The following MUC13 variants were observed in gnomAD, a reference collection of about 807,000 sequenced individuals.
MUC13 encodes mucin-13.
Under a neutral mutation model 48.3 loss-of-function variants are expected in MUC13, and 32 were observed. That is an observed-to-expected ratio of 0.66 (90% CI 0.50 to 0.89). The LOEUF is 0.89. MUC13 is among the 40% of genes least tolerant of loss of function. The pLI is 0.00. For synonymous variants in MUC13, 199 were observed against 224.9 expected (o/e 0.88, Z 1.03); for missense variants, 571 against 622.8 (o/e 0.92, Z 0.88).
chr3:124,916,568 C>A, intron 5 of MUC13, 88 bp from the exon 6 acceptor site: 1 of 1,395,876 alleles, frequency 7.2e-7, no homozygotes. Flanking sequence ...AATCTCCCGG[C>A]CCTAGTCCTG....
rs1402218297 is a variant in MUC13 at position 124,913,137 on chromosome 3, C to T, written c.1188G>A (p.Gln396=). The T allele has an allele frequency of 2.5e-6, 4 of 1,614,006 alleles. No individual in the cohort carries two copies. Among genetic ancestry groups the T allele is most frequent in the Non-Finnish European group, 1.7e-6 (2 of 1,179,976 alleles). The change falls in exon 8 of 12, where the codon CAG becomes CAA. Residue 396 remains glutamine (Q), a synonymous_variant. Coordinates refer to ENST00000616727, the MANE Select transcript of MUC13 (RefSeq NM_033049.4). The part of the protein sequence containing the change: ...APECACVPGY[Q]EDANGNCQKC... Reference sequence around the variant, plus strand: ...TTTGGCAGTTCCCATTAGCATCTTCCTGGTAGCCGGGCACGCACGCACACT... The same window carrying T: ...TTTGGCAGTTCCCATTAGCATCTTCTTGGTAGCCGGGCACGCACGCACACT...
At position 124,919,312 on chromosome 3, in the gene MUC13, G is replaced by T. The variant is rs188275639; in HGVS notation, c.800+922C>A. Among the ~76,000 whole-genome samples the T allele has an allele frequency of 2.3e-3, 332 of 143,926 alleles. 1 individual carries two copies. The highest frequency in any genetic ancestry group is 3.4e-3 in the Non-Finnish European group (225 of 66,804). 94.4% of individuals were successfully genotyped at this position (143,926 alleles called of 152,430 possible). ...ATATCACACCAATGCACTCCAGCCT[G>T]CATGACAGGAGTGAGATTCCATCTC... is the stretch of plus-strand genomic sequence containing the variant. On this transcript the variant is annotated intron_variant, in intron 5 of 11. Transcript: ENST00000616727.
chr3:124,930,997 G>A (rs150967819), intron 1 of MUC13, among the ~76,000 whole-genome samples: 1 of 152,322 alleles, frequency 6.6e-6, no homozygotes, highest in East Asian at 1.9e-4. Flanking sequence ...ACAAGGCATA[G>A]GGGTGAGGAG....
In MUC13 at chr3:124,908,272, T is replaced by C; in HGVS notation, c.1414A>G (p.Thr472Ala). The C allele has an allele frequency of 6.2e-7, 1 of 1,614,246 alleles. No homozygotes were observed. Among genetic ancestry groups the C allele is most frequent in the Non-Finnish European group, 8.5e-7 (1 of 1,180,040 alleles). The change falls in exon 11 of 12, where the codon ACA becomes GCA. Residue 472 changes from threonine (T) to alanine (A), a missense_variant. Coordinates refer to ENST00000616727, the MANE Select transcript of MUC13 (RefSeq NM_033049.4). Reference protein sequence around the residue: ...EDFQNLKLRSTGFTNLGAEGS... With the variant: ...EDFQNLKLRSAGFTNLGAEGS... ...TCTGCTCCAAGATTGGTGAAGCCTGTCGACCGCAGTTTTAGATTTTGAAAG... is the reference window on the plus strand; with the variant it reads ...TCTGCTCCAAGATTGGTGAAGCCTGCCGACCGCAGTTTTAGATTTTGAAAG...
intron 9 of MUC13, 108 bp from the exon 10 acceptor site, chr3:124,910,607 T>C: frequency 6.6e-7 from 1 of 1,505,184 alleles, no homozygotes; most frequent in Non-Finnish European, 8.9e-7. Context: ...GACGATCAGG[T>C]TCTGGTCTCC....
At position 124,905,581 on chromosome 3, in the gene MUC13, T is replaced by G. The variant is rs374743429; in HGVS notation, c.*1162A>C. The G allele has an allele frequency of 6.5e-6, 1 of 153,210 alleles. No homozygotes were observed. Among genetic ancestry groups the G allele is most frequent in the Admixed American group, 6.5e-5 (1 of 15,282 alleles). The allele number at this position is 153,210 out of a possible 1,614,324, so 9.5% of individuals were successfully genotyped here. ...GACACTAATAACATTTGTAAAAGCT[T>G]GTACTGGATGTGGTTGCCCCCATTT... On this transcript the variant is annotated 3_prime_UTR_variant, in exon 12 of 12. Coordinates refer to ENST00000616727, the MANE Select transcript of MUC13 (RefSeq NM_033049.4).
At chr3:124,912,802 G>T (rs1039180784) in intron 8 of MUC13, among the ~76,000 whole-genome samples, 1 of 152,050 alleles carries the variant, frequency 6.6e-6, no homozygotes, top group African/African-American at 2.4e-5. Flanking sequence ...TGGACAGGGT[G>T]GCAGGCACCT....
Position 124,908,401 on chromosome 3 carries a change from G to A in MUC13, c.1338-53C>T. On this transcript the variant is annotated intron_variant, in intron 10 of 11. Transcript: ENST00000616727. Reference sequence around the variant, plus strand: ...TGACAATGGCAGAAAGTTTCTTGAAGTAAATGTTAATGTTCTTTTTAAAAA... The same window carrying A: ...TGACAATGGCAGAAAGTTTCTTGAAATAAATGTTAATGTTCTTTTTAAAAA... The A allele has an allele frequency of 2.2e-6, 3 of 1,363,882 alleles. 1 individual carries two copies. In the South Asian group the frequency reaches 3.7e-5, roughly 17 times the overall value. 84.5% of individuals were successfully genotyped at this position (1,363,882 alleles called of 1,614,324 possible). A position where few individuals can be genotyped will look rare whatever the true frequency, so the allele number is the denominator to read the frequency against.
intron 1 of MUC13, among the ~76,000 whole-genome samples, chr3:124,931,431 A>C (rs1935794677): frequency 8.5e-6 from 1 of 117,228 alleles, no homozygotes; most frequent in East Asian, 2.3e-4. Context: ...ACTCTGTCTC[A>C]AAAAAAAAAA....
Position 124,927,622 on chromosome 3 carries a change from T to C in MUC13, c.424A>G (p.Asn142Asp). Residue 142 changes from asparagine (N) to aspartate (D), a missense_variant, in exon 2 of 12, where the codon AAT (asparagine) becomes GAT (aspartate). Transcript: ENST00000616727. ...TMVPSETQSN[N>D]EMSPTTEDNQ... The stretch of plus-strand genomic sequence containing the variant: ...TCTTCTGTGGTGGGGGACATTTCAT[T>C]GTTACTTTGTGTTTCAGAAGGAACC... 4 of 1,614,214 alleles carry C rather than the reference T, an allele frequency of 2.5e-6. No homozygotes were observed. The South Asian group carries it at 4.4e-5, about 18-fold the overall frequency.
chr3:124,922,177 G>A lies in MUC13; in HGVS notation c.744+20C>T, dbSNP rs768701742. 6.2e-7 allele frequency: 1 copy of A among 1,613,358 alleles called. No homozygotes were observed. Among genetic ancestry groups the A allele is most frequent in the Non-Finnish European group, 8.5e-7 (1 of 1,179,690 alleles). On this transcript the variant is annotated intron_variant, in intron 4 of 11. Coordinates refer to ENST00000616727, the MANE Select transcript of MUC13 (RefSeq NM_033049.4). ...AGAACAAAGAATGCTTTACAGAAAGGAAAGTTGGAAAATACTTACCAAGCT... is the reference window on the plus strand; with the variant it reads ...AGAACAAAGAATGCTTTACAGAAAGAAAAGTTGGAAAATACTTACCAAGCT...
intron 1 of MUC13, among the ~76,000 whole-genome samples, chr3:124,930,335 G>A (rs1935773390): frequency 8.3e-6 from 1 of 121,010 alleles, no homozygotes; most frequent in Non-Finnish European, 1.8e-5. Flanking sequence ...GCAATTCATT[G>A]CTGTGAATAG....
chr3:124,934,045 G>T (rs1935841652), intron 1 of MUC13, among the ~76,000 whole-genome samples: 1 of 152,174 alleles, frequency 6.6e-6, no homozygotes, highest in South Asian at 2.1e-4. Context: ...CATGAGAGGG[G>T]ATCCAGAACG....
intron 5 of MUC13, among the ~76,000 whole-genome samples, chr3:124,919,023 A>G (rs1579366285): frequency 6.6e-6 from 1 of 150,872 alleles, no homozygotes; most frequent in South Asian, 2.1e-4. Context: ...TCTCTCTCTT[A>G]TTCCACCAAA....
intron 2 of MUC13, among the ~76,000 whole-genome samples, chr3:124,924,125 A>G (rs1579369396): frequency 6.6e-6 from 1 of 152,224 alleles, no homozygotes; most frequent in African/African-American, 2.4e-5. Context: ...ACATTCTGTT[A>G]GGCATACCTA....
intron 8 of MUC13, 135 bp from the exon 9 acceptor site, chr3:124,912,276 C>A: frequency 7.5e-7 from 1 of 1,333,296 alleles, no homozygotes; most frequent in Non-Finnish European, 1.0e-6. Flanking sequence ...TTTCCTCTTT[C>A]TTTTGCCTTC....
At chr3:124,907,095 C>G (rs1366903432) in intron 11 of MUC13, among the ~76,000 whole-genome samples, 1 of 152,206 alleles carries the variant, frequency 6.6e-6, no homozygotes, top group Non-Finnish European at 1.5e-5. Flanking sequence ...AAGCTGTTGT[C>G]CTTGAAAGTT....
At chr3:124,926,467 C>T (rs1042090439) in intron 2 of MUC13, among the ~76,000 whole-genome samples, 1 of 152,130 alleles carries the variant, frequency 6.6e-6, no homozygotes, top group Admixed American at 6.6e-5. Context: ...TCAGAGTGGC[C>T]CCTCCAAACA....
intron 5 of MUC13, among the ~76,000 whole-genome samples, chr3:124,919,198 G>A (rs1239214222): frequency 1.3e-5 from 2 of 151,830 alleles, no homozygotes; most frequent in Admixed American, 1.3e-4. Context: ...TAGGCTGGGC[G>A]TGGTGGTGCA....
Sources: gnomAD v4.1 joint callset for allele counts (sites outside exome capture counted in the v4.1 genomes callset) on GRCh38, gnomAD v4.1.1 for gene constraint, MANE v1.5 for transcripts, NCBI Gene and HGNC (gene_info 2026-07-23, HGNC 2026-07-21) for gene names.